Variants in CTNNA3 observed in about 807,000 individuals in gnomAD.
CTNNA3 encodes the protein catenin alpha 3.
Under a neutral mutation model 95.7 loss-of-function variants are expected in CTNNA3, and 76 were observed. The observed-to-expected ratio is 0.79, with a 90% CI of 0.66 to 0.96. The LOEUF (loss-of-function observed/expected upper bound fraction) is 0.96. Ranked by LOEUF, CTNNA3 falls within the 40% of genes least tolerant of loss-of-function variation. The pLI is 0.00. For synonymous variants in CTNNA3, 431 were observed against 374.4 expected (o/e 1.15, Z -1.74); for missense variants, 1,191 against 1,089.8 (o/e 1.09, Z -1.31).
At chr10:66,969,327 C>T (rs1369025233) in intron 7 of CTNNA3, among the ~76,000 whole-genome samples, 3 of 152,050 alleles carry the variant, frequency 2.0e-5, no homozygotes, top group Non-Finnish European at 4.4e-5. Flanking sequence ...ATTTCCATGT[C>T]ATTAAAACTT....
chr10:65,923,331 C>A (rs2077118497), intron 17 of CTNNA3, among the ~76,000 whole-genome samples: 1 of 152,136 alleles, frequency 6.6e-6, no homozygotes, highest in Non-Finnish European at 1.5e-5. Context: ...TAGTTTTATG[C>A]CACAGTAAAT....
At chr10:66,267,564 G>A (rs2091185980) in intron 13 of CTNNA3, among the ~76,000 whole-genome samples, 1 of 152,122 alleles carries the variant, frequency 6.6e-6, no homozygotes, top group Admixed American at 6.6e-5. Flanking sequence ...TGATAGCAAA[G>A]ATCATGACTC....
intron 11 of CTNNA3, among the ~76,000 whole-genome samples, chr10:66,462,885 T>A (rs2093539049): frequency 6.6e-6 from 1 of 152,130 alleles, no homozygotes; most frequent in Admixed American, 6.6e-5. Context: ...AAAGTAACAT[T>A]TATCTCCTAT....
At chr10:67,733,629 C>A (rs748857535) in intron 1 of CTNNA3, among the ~76,000 whole-genome samples, 1 of 152,210 alleles carries the variant, frequency 6.6e-6, no homozygotes, top group Admixed American at 6.5e-5. Flanking sequence ...CAACATCTTT[C>A]ATTACTGGAG....
chr10:66,800,478 G>C (rs1210425091), intron 7 of CTNNA3, among the ~76,000 whole-genome samples: 2 of 150,220 alleles, frequency 1.3e-5, no homozygotes, highest in Non-Finnish European at 3.0e-5. Flanking sequence ...CACTTCTTTA[G>C]ATAAAAAACA....
chr10:66,768,106 G>A (rs778379538), intron 8 of CTNNA3, among the ~76,000 whole-genome samples: 46 of 152,196 alleles, frequency 3.0e-4, no homozygotes, highest in Non-Finnish European at 5.6e-4. Flanking sequence ...TACAGGTTGT[G>A]TAAGTTTCAG....
In CTNNA3 at chr10:67,180,358, G is replaced by T. The variant is rs375721994; in HGVS notation, c.1006C>A (p.Arg336Ser). ...ERIIAECNAI[R>S]QALQDLLSEY... ...GAAAGCAGATCCTGAAGAGCCTGGC[G>T]AATGGCGTTGCATTCTGCGATAATC... Residue 336 changes from arginine (R) to serine (S), a missense_variant, in exon 7 of 18, where the codon CGC becomes AGC. Transcript: ENST00000433211. 1.5e-5 allele frequency: 25 copies of T among 1,613,592 alleles called. No individual in the cohort carries two copies. The highest frequency in any genetic ancestry group is 1.9e-5 in the Non-Finnish European group (23 of 1,179,874).
At chr10:66,828,275 C>T (rs1161579934) in intron 7 of CTNNA3, among the ~76,000 whole-genome samples, 1 of 152,212 alleles carries the variant, frequency 6.6e-6, no homozygotes, top group Non-Finnish European at 1.5e-5. Context: ...GAATAGCAGA[C>T]TCAGCATAGG....
chr10:66,275,085 TTCTC>T (rs1312599176), intron 13 of CTNNA3, among the ~76,000 whole-genome samples: 2 of 152,094 alleles, frequency 1.3e-5, no homozygotes, highest in Admixed American at 1.3e-4. Context: ...ATCATTGTAT[TTCTC>T]TATTGTCCAT....
At chr10:66,274,627 A>G (rs2091353019) in intron 13 of CTNNA3, among the ~76,000 whole-genome samples, 1 of 152,120 alleles carries the variant, frequency 6.6e-6, no homozygotes, top group Non-Finnish European at 1.5e-5. Flanking sequence ...AAAATTAGCT[A>G]TTTTCTGAGG....
chr10:67,024,685 T>C (rs112195952), intron 7 of CTNNA3, among the ~76,000 whole-genome samples: 1,962 of 152,322 alleles, frequency 0.013, 37 homozygotes, highest in African/African-American at 0.038. Flanking sequence ...AATTGGTTCA[T>C]TGATCTTGTT....
chr10:66,327,415 A>G (rs541893492), intron 12 of CTNNA3, among the ~76,000 whole-genome samples: 53 of 152,202 alleles, frequency 3.5e-4, no homozygotes, highest in African/African-American at 1.2e-3. Flanking sequence ...TTTTTGGAAC[A>G]TTTAAAATGA....
chr10:67,394,390 A>G (rs937575843), intron 5 of CTNNA3, among the ~76,000 whole-genome samples: 1 of 152,134 alleles, frequency 6.6e-6, no homozygotes, highest in African/African-American at 2.4e-5. Flanking sequence ...TGTAAAATAC[A>G]TAAAATCTTT....
At chr10:66,728,081 A>G (rs1167613612) in intron 9 of CTNNA3, among the ~76,000 whole-genome samples, 1 of 152,176 alleles carries the variant, frequency 6.6e-6, no homozygotes, top group East Asian at 1.9e-4. Flanking sequence ...ACAATATTGC[A>G]CATACATATT....
chr10:67,293,493 T>C (rs1318874118), intron 5 of CTNNA3, among the ~76,000 whole-genome samples: 1 of 152,090 alleles, frequency 6.6e-6, no homozygotes, highest in African/African-American at 2.4e-5. Context: ...CATATTAAAT[T>C]TTCTCCTCCT....
chr10:66,262,151 A>G (rs2091023334), intron 13 of CTNNA3, among the ~76,000 whole-genome samples: 1 of 151,952 alleles, frequency 6.6e-6, no homozygotes, highest in African/African-American at 2.4e-5. Context: ...CCTAGCTTTG[A>G]CATTAATTAG....
At chr10:66,247,021 GCC>G (rs1564807876) in intron 13 of CTNNA3, among the ~76,000 whole-genome samples, 5 of 137,106 alleles carry the variant, frequency 3.6e-5, no homozygotes, top group African/African-American at 5.6e-5. Flanking sequence ...GTGCACTCCA[GCC>G]TGGTGACACA....
intron 11 of CTNNA3, among the ~76,000 whole-genome samples, chr10:66,388,110 A>C (rs559002742): frequency 6.6e-5 from 10 of 152,232 alleles, no homozygotes; most frequent in Admixed American, 3.9e-4. Context: ...AAGAAAGAAG[A>C]AGCTACTATT....
intron 4 of CTNNA3, 100 bp downstream of exon 4, chr10:67,539,403 T>G: frequency 2.4e-6 from 3 of 1,274,618 alleles, no homozygotes; most frequent in Non-Finnish European, 3.3e-6. Flanking sequence ...TGTTAAGAAA[T>G]GAGAGTGAAG....
Sources: gnomAD v4.1 joint callset for allele counts (sites outside exome capture counted in the v4.1 genomes callset) on GRCh38, gnomAD v4.1.1 for gene constraint, MANE v1.5 for transcripts, NCBI Gene and HGNC (gene_info 2026-07-23, HGNC 2026-07-21) for gene names.